Variants in NEK11 observed in about 807,000 individuals in gnomAD.
NEK11 encodes serine/threonine-protein kinase Nek11.
Under a neutral mutation model 80.7 loss-of-function variants are expected in NEK11, and 72 were observed. The ratio of observed to expected loss-of-function variants is 0.89; its 90% confidence interval spans 0.74 to 1.08. The LOEUF (loss-of-function observed/expected upper bound fraction) is 1.08, where lower values mean the gene tolerates loss of function less well. Among genes scored for constraint, NEK11 ranks in the 50% least tolerant of loss-of-function variants. NEK11 has a pLI of 0.00. For synonymous variants in NEK11, 251 were observed against 260.7 expected (o/e 0.96, Z 0.36); for missense variants, 764 against 763.6 (o/e 1.00, Z -0.01).
chr3:131,047,270 T>C (rs1448118093), intron 3 of NEK11, among the ~76,000 whole-genome samples: 1 of 152,244 alleles, frequency 6.6e-6, no homozygotes, highest in Non-Finnish European at 1.5e-5. Flanking sequence ...CTGAATTCTT[T>C]TTCTGGCAAT....
chr3:131,226,611 A>T (rs578203576), intron 14 of NEK11, among the ~76,000 whole-genome samples: 15 of 152,088 alleles, frequency 9.9e-5, no homozygotes, highest in Non-Finnish European at 2.2e-4. Flanking sequence ...CTCACTTATA[A>T]GTGGGAGCTA....
chr3:131,202,935 G>T (rs1293239534), intron 14 of NEK11, among the ~76,000 whole-genome samples: 3 of 152,162 alleles, frequency 2.0e-5, no homozygotes, highest in African/African-American at 7.2e-5. Context: ...AACAACAGGT[G>T]CTGGAGAGGA....
chr3:131,130,823 A>G (rs901053695), intron 5 of NEK11, among the ~76,000 whole-genome samples: 1 of 152,054 alleles, frequency 6.6e-6, no homozygotes, highest in Non-Finnish European at 1.5e-5. Flanking sequence ...TATTTTTTGG[A>G]CAACATCTCG....
chr3:131,238,412 T>TTA (rs2108008669), intron 15 of NEK11, among the ~76,000 whole-genome samples: 1 of 152,262 alleles, frequency 6.6e-6, no homozygotes, highest in African/African-American at 2.4e-5. Flanking sequence ...AACAAATACT[T>TTA]AGTAGATATT....
At chr3:131,331,888 G>A (rs1349318524) in intron 17 of NEK11, among the ~76,000 whole-genome samples, 1 of 152,196 alleles carries the variant, frequency 6.6e-6, no homozygotes. Context: ...AGATCAAACT[G>A]CAAGGCGGCA....
chr3:131,155,434 C>T (rs2090488218), intron 10 of NEK11, among the ~76,000 whole-genome samples: 1 of 152,158 alleles, frequency 6.6e-6, no homozygotes, highest in South Asian at 2.1e-4. Flanking sequence ...AATGAGCCTT[C>T]CATAATAACC....
At chr3:131,080,827 A>G (rs931134910) in intron 4 of NEK11, among the ~76,000 whole-genome samples, 2 of 152,168 alleles carry the variant, frequency 1.3e-5, no homozygotes, top group African/African-American at 4.8e-5. Flanking sequence ...TTTAAGGTGG[A>G]GGCCAGGTGT....
intron 14 of NEK11, among the ~76,000 whole-genome samples, chr3:131,203,492 ATG>A: frequency 6.6e-6 from 1 of 150,952 alleles, no homozygotes; most frequent in Non-Finnish European, 1.5e-5. Context: ...TGACAAGTTA[ATG>A]GGTGCAGCAC....
chr3:131,341,709 T>C (rs2097289780), intron 17 of NEK11, among the ~76,000 whole-genome samples: 1 of 152,218 alleles, frequency 6.6e-6, no homozygotes, highest in South Asian at 2.1e-4. Flanking sequence ...ATTCTTTTTT[T>C]CTTCTTTGTG....
intron 3 of NEK11, among the ~76,000 whole-genome samples, chr3:131,047,236 C>T (rs1455866810): frequency 6.6e-6 from 1 of 152,130 alleles, no homozygotes. Context: ...CTGATGCCTT[C>T]TCGATTAGCT....
Position 131,044,857 on chromosome 3 carries a change from A to C in NEK11, c.170+14979A>C, listed in dbSNP as rs1577373615. On this transcript the variant is annotated intron_variant, in intron 3 of 17. Transcript: ENST00000383366. ...CCGCATAGCACTTATTCTAAAATCG[A>C]CCACATAATTGGAAGTAAAACACTC... 2.0e-5 allele frequency among the ~76,000 whole-genome samples: 3 copies of C among 152,266 alleles called. No individual in the cohort carries two copies. The East Asian group carries it at 5.8e-4, about 29-fold the overall frequency.
At chr3:131,217,914 A>G (rs1352598757) in intron 14 of NEK11, among the ~76,000 whole-genome samples, 1 of 152,190 alleles carries the variant, frequency 6.6e-6, no homozygotes, top group African/African-American at 2.4e-5. Flanking sequence ...TTTTAAGAAG[A>G]CTTTGAAGAG....
At chr3:131,150,063 T>C (rs2089320484) in intron 7 of NEK11, among the ~76,000 whole-genome samples, 1 of 152,098 alleles carries the variant, frequency 6.6e-6, no homozygotes, top group South Asian at 2.1e-4. Context: ...ATTTCTTGTT[T>C]GACCTAAGGA....
In NEK11 at chr3:131,228,567, C is replaced by T. The variant is rs143448117; in HGVS notation, c.1439C>T (p.Ala480Val). Residue 480 changes from alanine (A) to valine (V), a missense_variant, in exon 15 of 18, where the codon GCT becomes GTT. Coordinates refer to ENST00000383366, the MANE Select transcript of NEK11 (RefSeq NM_024800.5). ...CCACTTGTGGCTGAAGAGTACTACG[C>T]TGATGCATTTGATTCCTATTGTGAA... Reference protein sequence around the residue: ...EDPLVAEEYYADAFDSYCEES... With the variant: ...EDPLVAEEYYVDAFDSYCEES... 3 of 1,613,284 alleles carry T rather than the reference C, an allele frequency of 1.9e-6. No homozygotes were observed. The highest frequency in any genetic ancestry group is 2.2e-5 in the South Asian group (2 of 90,966).
At chr3:131,215,467 A>ATGGGGG (rs1346866996) in intron 14 of NEK11, among the ~76,000 whole-genome samples, 13 of 152,206 alleles carry the variant, frequency 8.5e-5, no homozygotes, top group African/African-American at 3.1e-4. Flanking sequence ...ATTGTCTACC[A>ATGGGGG]TGGGGGTGTG....
intron 16 of NEK11, among the ~76,000 whole-genome samples, chr3:131,249,246 A>C (rs910117919): frequency 3.3e-5 from 5 of 152,162 alleles, no homozygotes; most frequent in Admixed American, 2.6e-4. Flanking sequence ...CTGAAAGCTA[A>C]GTGCCTAAGA....
Position 131,155,107 on chromosome 3 carries a change from T to A in NEK11, c.948T>A (p.His316Gln). ...KNLDCQKEAAHIINAMQKRIH... is the reference protein window; with the variant it reads ...KNLDCQKEAAQIINAMQKRIH... ...TGGATTGTCAGAAGGAGGCTGCTCA[T>A]ATAATTAATGCCATGTAAGTAATTG... The change falls in exon 10 of 18, where the codon CAT becomes CAA. Residue 316 changes from histidine (H) to glutamine (Q), a missense_variant. Coordinates refer to ENST00000383366, the MANE Select transcript of NEK11 (RefSeq NM_024800.5). 2 of 1,606,318 alleles carry A rather than the reference T, an allele frequency of 1.2e-6. No individual in the cohort carries two copies. The highest frequency in any genetic ancestry group is 2.2e-5 in the South Asian group (2 of 90,880).
rs1382884091 is a variant in NEK11 at position 131,274,401 on chromosome 3, T to C, written c.1718+827T>C. ...GGTTCCAAGTCTTTGCTATTGTGAGTAGTGCCACAATAAACATACGTGTGC... is the reference window on the plus strand; with the variant it reads ...GGTTCCAAGTCTTTGCTATTGTGAGCAGTGCCACAATAAACATACGTGTGC... On this transcript the variant is annotated intron_variant, in intron 17 of 17. Coordinates refer to ENST00000383366, the MANE Select transcript of NEK11 (RefSeq NM_024800.5). Among the ~76,000 whole-genome samples the C allele has an allele frequency of 5.2e-4, 74 of 143,296 alleles. 3 individuals are homozygous for C. The highest frequency in any genetic ancestry group is 2.0e-3 in the African/African-American group (68 of 34,650). The allele number at this position is 143,296 out of a possible 152,430, so 94.0% of individuals were successfully genotyped here. A position where few individuals can be genotyped will look rare whatever the true frequency, so the allele number is the denominator to read the frequency against.
intron 14 of NEK11, among the ~76,000 whole-genome samples, chr3:131,213,654 T>A (rs2150558984): frequency 6.6e-6 from 1 of 152,248 alleles, no homozygotes; most frequent in South Asian, 2.1e-4. Context: ...AGTGGTCTAT[T>A]CTTTTACTAC....
Sources: allele counts gnomAD v4.1 joint callset (sites outside exome capture counted in the v4.1 genomes callset), GRCh38; gene constraint gnomAD v4.1.1; transcripts MANE v1.5; gene names NCBI Gene and HGNC (gene_info 2026-07-23, HGNC 2026-07-21).